Variants in PADI2 observed in about 807,000 individuals in gnomAD.
PADI2 encodes the protein protein-arginine deiminase type-2.
PADI2 carries 70 observed loss-of-function variants against 81.1 expected under a neutral mutation model. That is an observed-to-expected ratio of 0.86 (90% CI 0.71 to 1.05). The LOEUF (loss-of-function observed/expected upper bound fraction) is 1.05, where lower values mean the gene tolerates loss of function less well. PADI2 is among the 50% of genes least tolerant of loss of function. The pLI is 0.00. For missense variants in PADI2, 853 were observed against 889.9 expected, an observed-to-expected ratio of 0.96 and a Z score of 0.53; for synonymous variants, 338 against 358.0, an observed-to-expected ratio of 0.94 and a Z score of 0.63.
chr1:17,095,510 A>G (rs1281765552), intron 4 of PADI2, among the ~76,000 whole-genome samples: 2 of 152,152 alleles, frequency 1.3e-5, no homozygotes, highest in Non-Finnish European at 2.9e-5. Context: ...CAGCAGAGAT[A>G]ATACCACGCC....
At chr1:17,096,936 C>T (rs761847292) in intron 3 of PADI2, among the ~76,000 whole-genome samples, 4 of 152,228 alleles carry the variant, frequency 2.6e-5, no homozygotes, top group Non-Finnish European at 5.9e-5. Flanking sequence ...TTTAACAGCA[C>T]TCCTGGCTTC....
chr1:17,097,361 T>C (rs970015105), intron 3 of PADI2, among the ~76,000 whole-genome samples: 1 of 152,224 alleles, frequency 6.6e-6, no homozygotes, highest in Non-Finnish European at 1.5e-5. Flanking sequence ...ATAGCCTGCA[T>C]ACCCTAGACC....
intron 1 of PADI2, among the ~76,000 whole-genome samples, chr1:17,113,393 T>A (rs1931651629): frequency 6.6e-6 from 1 of 152,244 alleles, no homozygotes; most frequent in South Asian, 2.1e-4. Context: ...GATAACCCCA[T>A]GAGGCCCATA....
intron 10 of PADI2, among the ~76,000 whole-genome samples, chr1:17,080,223 A>C (rs2078334091): frequency 6.6e-6 from 1 of 152,166 alleles, no homozygotes; most frequent in South Asian, 2.1e-4. Flanking sequence ...TTGCCATGTG[A>C]CTTCTGGCAT....
chr1:17,095,374 G>T lies in PADI2; in HGVS notation c.411+535C>A, dbSNP rs1453298985. On this transcript the variant is annotated intron_variant, in intron 4 of 15. Transcript: ENST00000375486. ...TAAACCCAGCAAAATGGTCCTCTGT[G>T]GGGGAGCAGAATGGGAGTGGGGAAT... is the stretch of plus-strand genomic sequence containing the variant. 2.2e-4 allele frequency among the ~76,000 whole-genome samples: 33 copies of T among 152,184 alleles called. 2 individuals carry two copies. Among genetic ancestry groups the T allele is most frequent in the Admixed American group, 2.2e-3 (33 of 15,278 alleles).
chr1:17,094,234 T>C (rs1215936905), intron 4 of PADI2, among the ~76,000 whole-genome samples: 1 of 152,224 alleles, frequency 6.6e-6, no homozygotes, highest in Non-Finnish European at 1.5e-5. Flanking sequence ...CCTGATTCCT[T>C]GCTGTGGCTT....
At position 17,069,226 on chromosome 1, in the gene PADI2, G is replaced by A; in HGVS notation, c.1816C>T (p.Pro606Ser). ...AGGCAGCATTCCTCCTCAACCTGTG[G>A]CCCGAATGGCTTGGGGATGCCCAGG... Reference protein sequence around the residue: ...KDLGIPKPFGPQVEEECCLEM... With the variant: ...KDLGIPKPFGSQVEEECCLEM... Residue 606 changes from proline to serine, a missense_variant, in exon 16 of 16, where the codon CCA (proline) becomes TCA (serine). Transcript: ENST00000375486. 6.2e-7 allele frequency: 1 copy of A among 1,614,258 alleles called. No homozygotes were observed.
In PADI2 at chr1:17,095,986, A is replaced by G; in HGVS notation, c.350-16T>C. Reference sequence around the variant, plus strand: ...AGGGAGATCTCTGGGGAGAAGAGACATGGGTGAGTTGCTGAGCCTGCCAGG... The same window carrying G: ...AGGGAGATCTCTGGGGAGAAGAGACGTGGGTGAGTTGCTGAGCCTGCCAGG... On this transcript the variant is annotated splice_polypyrimidine_tract_variant and intron_variant, in intron 3 of 15. Coordinates refer to ENST00000375486, the MANE Select transcript of PADI2 (RefSeq NM_007365.3). 6.3e-7 allele frequency: 1 copy of G among 1,597,636 alleles called. No homozygotes were observed. Among genetic ancestry groups the G allele is most frequent in the Non-Finnish European group, 8.5e-7 (1 of 1,171,172 alleles).
At chr1:17,107,003 A>C (rs1480561328) in intron 1 of PADI2, among the ~76,000 whole-genome samples, 1 of 152,112 alleles carries the variant, frequency 6.6e-6, no homozygotes, top group Non-Finnish European at 1.5e-5. Flanking sequence ...CACCCTGTCC[A>C]TGGTGTTTTG....
chr1:17,103,780 C>T (rs1931235768), intron 2 of PADI2, among the ~76,000 whole-genome samples: 1 of 145,438 alleles, frequency 6.9e-6, no homozygotes, highest in Non-Finnish European at 1.5e-5. Context: ...AGAATATAAA[C>T]TACCAGCCTG....
At chr1:17,097,157 G>A (rs2746511) in intron 3 of PADI2, among the ~76,000 whole-genome samples, 7,069 of 152,244 alleles carry the variant, frequency 0.046, 525 homozygotes, top group African/African-American at 0.16. Context: ...CTCATCTCAC[G>A]CTGAGCATGA....
intron 3 of PADI2, among the ~76,000 whole-genome samples, chr1:17,097,799 G>T (rs1289038419): frequency 2.0e-5 from 3 of 152,092 alleles, no homozygotes. Context: ...GAATAATACT[G>T]GTTTTGGTTC....
chr1:17,116,294 A>G (rs913364876), intron 1 of PADI2, among the ~76,000 whole-genome samples: 2 of 152,180 alleles, frequency 1.3e-5, no homozygotes, highest in Non-Finnish European at 2.9e-5. Flanking sequence ...ATCACAGGAA[A>G]GGGAGTCCAG....
chr1:17,075,977 G>A (rs772664431), intron 11 of PADI2, among the ~76,000 whole-genome samples, 154 bp from the exon 12 acceptor site: 4 of 152,338 alleles, frequency 2.6e-5, no homozygotes, highest in East Asian at 1.9e-4. Context: ...AGACCCTGGC[G>A]CAGGCAGTAA....
chr1:17,098,780 G>A (rs1931036054), intron 3 of PADI2, among the ~76,000 whole-genome samples: 1 of 152,206 alleles, frequency 6.6e-6, no homozygotes, highest in Non-Finnish European at 1.5e-5. Context: ...CGCCCACCCT[G>A]TAGTCATGCC....
chr1:17,076,824 A>G (rs911948662), intron 11 of PADI2, among the ~76,000 whole-genome samples: 30 of 150,560 alleles, frequency 2.0e-4, no homozygotes, highest in African/African-American at 7.3e-4. Context: ...TGATCTGCCC[A>G]CCTCAGCTTT....
At chr1:17,103,550 G>A (rs111391769) in intron 2 of PADI2, among the ~76,000 whole-genome samples, 138 of 152,182 alleles carry the variant, frequency 9.1e-4, no homozygotes, top group Admixed American at 1.6e-3. Flanking sequence ...GATAGACCAA[G>A]GACACTTGTG....
At position 17,086,695 on chromosome 1, in the gene PADI2, C is replaced by G. The variant is rs770453434; in HGVS notation, c.660G>C (p.Pro220=). The G allele has an allele frequency of 1.9e-6, 3 of 1,613,586 alleles. No individual in the cohort carries two copies. Among genetic ancestry groups the G allele is most frequent in the Middle Eastern group, 1.7e-4 (1 of 6,056 alleles). ...TGTGGATATAGCGTTGGCCGAAGAA[C>G]GGGTCTGGAGGGAAAAGGACCAACG... ...DKVGVFYVEN[P]FFGQRYIHIL... is the part of the protein sequence containing the mutation. The change falls in exon 7 of 16, where the codon CCG becomes CCC. Residue 220 remains proline (P), a synonymous_variant. Coordinates refer to ENST00000375486, the MANE Select transcript of PADI2 (RefSeq NM_007365.3).
At chr1:17,100,684 C>T (rs1319998735) in intron 3 of PADI2, among the ~76,000 whole-genome samples, 14 of 131,144 alleles carry the variant, frequency 1.1e-4, no homozygotes, top group African/African-American at 3.7e-4. Context: ...TTTTTTGAGA[C>T]AAAGTCTCGC....
Sources: allele counts gnomAD v4.1 joint callset (sites outside exome capture counted in the v4.1 genomes callset), GRCh38; gene constraint gnomAD v4.1.1; transcripts MANE v1.5; gene names NCBI Gene and HGNC (gene_info 2026-07-23, HGNC 2026-07-21).